Variants in HMCN2 observed in about 807,000 individuals in gnomAD.
HMCN2 encodes the protein hemicentin-2.
HMCN2 carries 325 observed loss-of-function variants against 377.5 expected under a neutral mutation model. That is an observed-to-expected ratio of 0.86 (90% CI 0.79 to 0.94). The LOEUF (loss-of-function observed/expected upper bound fraction) is 0.94. Ranked by LOEUF, HMCN2 falls within the 40% of genes least tolerant of loss-of-function variation. HMCN2 has a pLI of 0.00. For synonymous variants in HMCN2, 2,007 were observed against 2,046.8 expected, an observed-to-expected ratio of 0.98 and a Z score of 0.53; for missense variants, 4,543 against 4,725.3, an observed-to-expected ratio of 0.96 and a Z score of 1.13.
chr9:130,370,989 G>A lies in HMCN2; in HGVS notation c.7095G>A (p.Leu2365=). 1 of 986,118 alleles carries A rather than the reference G, an allele frequency of 1.0e-6. No homozygotes were observed. Among genetic ancestry groups the A allele is most frequent in the East Asian group, 1.1e-4 (1 of 8,828 alleles). 61.1% of individuals were successfully genotyped at this position (986,118 alleles called of 1,614,324 possible). Residue 2365 remains leucine (L), a synonymous_variant, in exon 46 of 98, where the codon TTG becomes TTA. Transcript: ENST00000683500. The stretch of plus-strand genomic sequence containing the variant: ...TGCCCCCAGAGCTCATTGGAGACTT[G>A]GACCCGCTGACCAACATCACTGCTG... The part of the protein sequence containing the change: ...VLVPPELIGD[L]DPLTNITAAL...
chr9:130,347,087 G>A lies in HMCN2; in HGVS notation c.3830-79G>A, dbSNP rs1048963568. 1.3e-5 allele frequency: 2 copies of A among 152,326 alleles called. No individual in the cohort carries two copies. Among genetic ancestry groups the A allele is most frequent in the Admixed American group, 1.3e-4 (2 of 15,262 alleles). The allele number at this position is 152,326 out of a possible 1,614,324, so 9.4% of individuals were successfully genotyped here. The stretch of plus-strand genomic sequence containing the variant: ...GACCGTCAGCCCCTTTTGCACAGGA[G>A]AGACATGTGGGAGACAGTGCAGGTG... On this transcript the variant is annotated intron_variant, in intron 25 of 97. Coordinates refer to ENST00000683500, the MANE Select transcript of HMCN2 (RefSeq NM_001291815.2). The surrounding 1 kb of genome is among the most constrained non-coding windows in gnomAD (Gnocchi z 5.1).
chr9:130,433,512 T>G lies in HMCN2; in HGVS notation c.15059T>G (p.Met5020Arg), dbSNP rs1315238976. Residue 5020 changes from methionine to arginine, a missense_variant, in exon 98 of 98, where the codon ATG (methionine) becomes AGG (arginine). Coordinates refer to ENST00000683500, the MANE Select transcript of HMCN2 (RefSeq NM_001291815.2). ...GVPANRTELS[M>R]LEPDPRSPFA... Reference sequence around the variant, plus strand: ...CCCGCCAACCGCACCGAGCTCAGCATGCTGGAGCCCGACCCCCGCAGCCCC... The same window carrying G: ...CCCGCCAACCGCACCGAGCTCAGCAGGCTGGAGCCCGACCCCCGCAGCCCC... 2.7e-6 allele frequency: 4 copies of G among 1,491,246 alleles called. No individual in the cohort carries two copies. The South Asian group carries it at 5.1e-5, about 19-fold the overall frequency. The allele number at this position is 1,491,246 out of a possible 1,614,324, so 92.4% of individuals were successfully genotyped here. A position where few individuals can be genotyped will look rare whatever the true frequency, so the allele number is the denominator to read the frequency against.
rs75458006 is a variant in HMCN2 at position 130,361,255 on chromosome 9, G to A, written c.5950+651G>A. ...TTGATGTCAATTGTGATAGCAGCTG[G>A]TGAACATGAGGTGCAACGGAGCACC... On this transcript the variant is annotated intron_variant, in intron 38 of 97. Coordinates refer to ENST00000683500, the MANE Select transcript of HMCN2 (RefSeq NM_001291815.2). This position sits in a 1 kb window ranked among gnomAD's most constrained non-coding sequence, Gnocchi z 4.8. 1.0e-3 allele frequency among the ~76,000 whole-genome samples: 155 copies of A among 152,324 alleles called. 2 individuals carry two copies. The highest frequency in any genetic ancestry group is 2.0e-3 in the Admixed American group (30 of 15,306).
chr9:130,390,855 G>T, intron 62 of HMCN2, 122 bp from the exon 63 acceptor site: 1 of 592,178 alleles, frequency 1.7e-6, no homozygotes, highest in South Asian at 7.4e-5. Context: ...GGCTTCTAAG[G>T]AACAGAGACT....
chr9:130,274,519 T>C (rs549438184), intron 1 of HMCN2, among the ~76,000 whole-genome samples: 1 of 152,340 alleles, frequency 6.6e-6, no homozygotes, highest in Admixed American at 6.5e-5. Context: ...GTTTTTCCTT[T>C]GTGTTTTTTG....
At chr9:130,350,071 TA>T (rs1440453536) in intron 29 of HMCN2, among the ~76,000 whole-genome samples, 1 of 151,418 alleles carries the variant, frequency 6.6e-6, no homozygotes, top group Non-Finnish European at 1.5e-5. Flanking sequence ...CAACAACGGC[TA>T]ATTTTTTAAA....
At chr9:130,359,492 C>G (rs1418412570) in intron 37 of HMCN2, 78 bp downstream of exon 37, 1 of 658,464 alleles carries the variant, frequency 1.5e-6, no homozygotes. Flanking sequence ...GACCCAGGGA[C>G]TCTCTGATTG....
chr9:130,433,608 T>C lies in HMCN2; in HGVS notation c.15155T>C (p.Leu5052Pro). The C allele has an allele frequency of 6.6e-7, 1 of 1,517,232 alleles. No individual in the cohort carries two copies. The highest frequency in any genetic ancestry group is 1.5e-5 in the African/African-American group (1 of 68,934). The allele number at this position is 1,517,232 out of a possible 1,614,324, so 94.0% of individuals were successfully genotyped here. ...YTRRALTRAG[L>P]YRLTVRAAAP... ...CGTCGCGCGCTCACCCGCGCCGGCC[T>C]CTACCGGCTCACCGTGCGTGCTGCG... Residue 5052 changes from leucine to proline, a missense_variant, in exon 98 of 98, where the codon CTC (leucine) becomes CCC (proline). Physicochemically the swap from Leu to Pro is moderately conservative, Grantham distance 98. Transcript: ENST00000683500.
chr9:130,348,339 G>A, intron 26 of HMCN2: 1 of 651,790 alleles, frequency 1.5e-6, no homozygotes. Context: ...CCTGGGCCTG[G>A]GCACGACTGG....
intron 1 of HMCN2, among the ~76,000 whole-genome samples, chr9:130,283,043 C>G (rs140176753): frequency 8.9e-4 from 136 of 152,250 alleles, no homozygotes; most frequent in African/African-American, 3.0e-3. Context: ...TATACTGCAG[C>G]CTGGGCGACA....
chr9:130,404,376 C>T (rs988939248), intron 80 of HMCN2, among the ~76,000 whole-genome samples: 7 of 152,198 alleles, frequency 4.6e-5, no homozygotes, highest in Non-Finnish European at 1.0e-4. Flanking sequence ...GCTCCTGGCT[C>T]CAGGATTCCT....
chr9:130,342,041 A>AAATG (rs1839082370), intron 24 of HMCN2, among the ~76,000 whole-genome samples: 1 of 149,734 alleles, frequency 6.7e-6, no homozygotes, highest in Non-Finnish European at 1.5e-5. Context: ...ATAAATAAAT[A>AAATG]AATAAATAAA....
intron 96 of HMCN2, among the ~76,000 whole-genome samples, chr9:130,432,074 T>C (rs1359982885): frequency 1.3e-5 from 2 of 152,204 alleles, no homozygotes; most frequent in East Asian, 3.9e-4. Flanking sequence ...GGGCTTCCAC[T>C]GAGGAAGACA....
intron 87 of HMCN2, among the ~76,000 whole-genome samples, chr9:130,424,485 C>A (rs916480561): frequency 2.6e-5 from 4 of 152,160 alleles, no homozygotes; most frequent in Non-Finnish European, 5.9e-5. Flanking sequence ...CGCGCCCGGC[C>A]TGTCCTTAAT....
At chr9:130,310,271 G>A (rs1554938628) in intron 15 of HMCN2, among the ~76,000 whole-genome samples, 2 of 152,228 alleles carry the variant, frequency 1.3e-5, no homozygotes, top group African/African-American at 4.8e-5. Context: ...CAAATTGTGT[G>A]GCTTAAACAA....
At chr9:130,310,153 C>T in intron 15 of HMCN2, 92 bp downstream of exon 15, 1 of 402,872 alleles carries the variant, frequency 2.5e-6, no homozygotes, top group South Asian at 1.9e-5. Flanking sequence ...CTCTCTCACA[C>T]AAGTGGCCAG....
intron 22 of HMCN2, among the ~76,000 whole-genome samples, chr9:130,337,418 A>G (rs1248521119): frequency 6.6e-6 from 1 of 152,046 alleles, no homozygotes; most frequent in Non-Finnish European, 1.5e-5. Flanking sequence ...TTCATCCCAC[A>G]CACCGGGCAG....
chr9:130,267,435 AACAC>A (rs36122739), intron 1 of HMCN2, among the ~76,000 whole-genome samples: 28,423 of 145,546 alleles, frequency 0.2, 3,278 homozygotes, highest in East Asian at 0.45. Context: ...CCCCAAATAA[AACAC>A]ACACACACAC....
chr9:130,404,332 G>T (rs1390812941), intron 80 of HMCN2, among the ~76,000 whole-genome samples: 1 of 152,234 alleles, frequency 6.6e-6, no homozygotes, highest in Non-Finnish European at 1.5e-5. Flanking sequence ...GCTATGTAGG[G>T]CTGGAGTCAG....
Sources: gnomAD v4.1 joint callset for allele counts (sites outside exome capture counted in the v4.1 genomes callset) on GRCh38, gnomAD v4.1.1 for gene constraint, Gnocchi (gnomAD v3.1) non-coding constraint, MANE v1.5 for transcripts, NCBI Gene and HGNC (gene_info 2026-07-23, HGNC 2026-07-21) for gene names.